Variants in PLEKHH2 observed in about 807,000 individuals in gnomAD.
PLEKHH2 encodes the protein pleckstrin homology, MyTH4 and FERM domain containing H2.
Under a neutral mutation model 187.9 loss-of-function variants are expected in PLEKHH2, and 129 were observed. The ratio of observed to expected loss-of-function variants is 0.69; its 90% CI spans 0.59 to 0.79. The LOEUF (loss-of-function observed/expected upper bound fraction) is 0.79, where lower values mean the gene tolerates loss of function less well. PLEKHH2 is among the 30% of genes least tolerant of loss of function. The pLI, the probability that PLEKHH2 is intolerant of heterozygous loss-of-function variation, is 0.00. For missense variants in PLEKHH2, 2,076 were observed against 1,751.2 expected (o/e 1.19, Z -3.31); for synonymous variants, 686 against 605.6 (o/e 1.13, Z -1.95).
chr2:43,757,862 A>T (rs1433936067), intron 26 of PLEKHH2, among the ~76,000 whole-genome samples: 1 of 152,134 alleles, frequency 6.6e-6, no homozygotes, highest in Admixed American at 6.5e-5. Flanking sequence ...AAGAGAAAAA[A>T]ATTGGCCAAT....
At chr2:43,761,201 A>C (rs998015440) in intron 27 of PLEKHH2, among the ~76,000 whole-genome samples, 2 of 152,120 alleles carry the variant, frequency 1.3e-5, no homozygotes, top group African/African-American at 4.8e-5. Flanking sequence ...TTCCAGTTTT[A>C]TATCTATAGT....
chr2:43,703,916 C>CTTTTT (rs10530805), intron 8 of PLEKHH2, 65 bp from the exon 9 acceptor site: 21 of 387,568 alleles, frequency 5.4e-5, no homozygotes, highest in East Asian at 1.5e-4. Flanking sequence ...TGAAAGTAGT[C>CTTTTT]TTTTTTTTTT....
Position 43,644,720 on chromosome 2 carries a change from G to A in PLEKHH2, c.47G>A (p.Arg16Gln), listed in dbSNP as rs765634215. ...GAGGGACCAGTAGATTGGAAGGAAC[G>A]ATGTGTAGCTCTGGAGTCCCAACTC... ...EPEGPVDWKERCVALESQLMK... is the reference protein window; with the variant it reads ...EPEGPVDWKEQCVALESQLMK... The change falls in exon 2 of 30, where the codon CGA becomes CAA. Residue 16 changes from arginine to glutamine, a missense_variant. By Grantham distance (43) the Arg-to-Gln change is conservative. Coordinates refer to ENST00000282406, the MANE Select transcript of PLEKHH2 (RefSeq NM_172069.4). 1.2e-5 allele frequency: 20 copies of A among 1,608,536 alleles called. No individual in the cohort carries two copies. In the East Asian group the frequency reaches 3.6e-4, roughly 29 times the overall value.
At chr2:43,666,659 A>C (rs968667826) in intron 2 of PLEKHH2, among the ~76,000 whole-genome samples, 2 of 152,208 alleles carry the variant, frequency 1.3e-5, no homozygotes, top group Non-Finnish European at 2.9e-5. Context: ...ATAGGTATGT[A>C]GTTGTATTTC....
intron 15 of PLEKHH2, among the ~76,000 whole-genome samples, chr2:43,717,715 C>T (rs1670282023): frequency 6.6e-6 from 1 of 152,218 alleles, no homozygotes; most frequent in Non-Finnish European, 1.5e-5. Context: ...CAAGTCCTGG[C>T]TCTGCCACTT....
At chr2:43,685,132 G>A (rs769048309) in intron 3 of PLEKHH2, among the ~76,000 whole-genome samples, 4 of 152,156 alleles carry the variant, frequency 2.6e-5, no homozygotes, top group Admixed American at 1.3e-4. Flanking sequence ...TGGCCTATCT[G>A]ATGTTTATGT....
At chr2:43,686,964 C>G (rs1156711471) in intron 3 of PLEKHH2, among the ~76,000 whole-genome samples, 2 of 109,646 alleles carry the variant, frequency 1.8e-5, no homozygotes, top group African/African-American at 8.4e-5. Context: ...CCATGTCCCC[C>G]CTTCTCTCTA....
At chr2:43,685,594 A>AT (rs1286647150) in intron 3 of PLEKHH2, among the ~76,000 whole-genome samples, 1 of 141,206 alleles carries the variant, frequency 7.1e-6, no homozygotes, top group Non-Finnish European at 1.5e-5. Flanking sequence ...CACCCAGTTA[A>AT]TGTTTTTTAA....
At chr2:43,679,492 C>G in intron 3 of PLEKHH2, 1 of 317,652 alleles carries the variant, frequency 3.1e-6, no homozygotes, top group Non-Finnish European at 5.8e-6. Context: ...ATGATTTTTT[C>G]CCTTTTTTTT....
At chr2:43,702,436 A>C (rs1669419338) in intron 8 of PLEKHH2, among the ~76,000 whole-genome samples, 1 of 151,590 alleles carries the variant, frequency 6.6e-6, no homozygotes, top group Non-Finnish European at 1.5e-5. Context: ...GGCAGCAAGA[A>C]ATTGAAATTT....
At chr2:43,740,726 G>A (rs761366736) in intron 20 of PLEKHH2, 91 of 693,550 alleles carry the variant, frequency 1.3e-4, no homozygotes, top group Admixed American at 4.3e-4. Flanking sequence ...TTCCTCAGTT[G>A]TAGATAACCA....
At position 43,700,089 on chromosome 2, in the gene PLEKHH2, G is replaced by C. The variant is rs1669282731; in HGVS notation, c.1131G>C (p.Lys377Asn). 1.2e-6 allele frequency: 2 copies of C among 1,614,014 alleles called. No homozygotes were observed. Residue 377 changes from lysine to asparagine, a missense_variant, in exon 8 of 30, where the codon AAG becomes AAC. Physicochemically the swap from Lys to Asn is moderately conservative, Grantham distance 94. Transcript: ENST00000282406. ...AGGGAAATTCTGAATTAAGTAAAAA[G>C]GAACAAGATAGTTCCTCGGATGAAC... Reference protein sequence around the residue: ...LGKGNSELSKKEQDSSSDELN... With the variant: ...LGKGNSELSKNEQDSSSDELN...
At chr2:43,675,613 T>C (rs1307430590) in intron 2 of PLEKHH2, 1 of 1,613,826 alleles carries the variant, frequency 6.2e-7, no homozygotes, top group African/African-American at 1.3e-5. Context: ...TCTTCCTTCA[T>C]AATCCTCTGC....
intron 27 of PLEKHH2, among the ~76,000 whole-genome samples, chr2:43,762,036 G>A (rs1328771755): frequency 6.6e-6 from 1 of 152,116 alleles, no homozygotes. Context: ...TAAAGATGAG[G>A]AAATTGAGCC....
intron 3 of PLEKHH2, among the ~76,000 whole-genome samples, chr2:43,683,187 C>T (rs1304874147): frequency 7.7e-6 from 1 of 130,634 alleles, no homozygotes; most frequent in Non-Finnish European, 1.6e-5. Context: ...CTCTTGTTGC[C>T]CAGGCTGGAG....
chr2:43,762,402 C>T lies in PLEKHH2; in HGVS notation c.4158+12C>T, dbSNP rs17031412. The T allele has an allele frequency of 2.6e-3, 4,050 of 1,583,824 alleles. 96 individuals carry two copies. The African/African-American group carries it at 0.048, about 19-fold the overall frequency. On this transcript the variant is annotated intron_variant, in intron 28 of 29. Transcript: ENST00000282406. ...AATACAACTCCATGGTAAGTTTAAACGCTCAAGTTTTGCATTAAGTCAACT... is the reference window on the plus strand; with the variant it reads ...AATACAACTCCATGGTAAGTTTAAATGCTCAAGTTTTGCATTAAGTCAACT...
intron 4 of PLEKHH2, among the ~76,000 whole-genome samples, chr2:43,694,194 C>G (rs1668976624): frequency 6.6e-6 from 1 of 152,158 alleles, no homozygotes; most frequent in Non-Finnish European, 1.5e-5. Context: ...AGTGTATGAT[C>G]TTTCAGAGAA....
rs1379914368 is a variant in PLEKHH2, at chr2:43,700,230, T to C, written c.1272T>C (p.Ser424=). The change falls in exon 8 of 30, where the codon TCT becomes TCC. Residue 424 remains serine (S), a synonymous_variant. Transcript: ENST00000282406. ...TGCCAAAGCATCCTAACTCACTCTCTGGAAAAGGAACACAATTAGTGCCTT... is the reference window on the plus strand; with the variant it reads ...TGCCAAAGCATCCTAACTCACTCTCCGGAAAAGGAACACAATTAGTGCCTT... The part of the protein sequence containing the change: ...ALMPKHPNSL[S]GKGTQLVPSS... The C allele has an allele frequency of 1.2e-6, 2 of 1,614,170 alleles. No homozygotes were observed. The highest frequency in any genetic ancestry group is 2.2e-5 in the East Asian group (1 of 44,884).
chr2:43,721,343 A>G (rs1670468126), intron 16 of PLEKHH2, among the ~76,000 whole-genome samples: 1 of 152,200 alleles, frequency 6.6e-6, no homozygotes, highest in East Asian at 1.9e-4. Flanking sequence ...AGCTATAAAA[A>G]TTGAACCAAC....
Sources: gnomAD v4.1 joint callset for allele counts (sites outside exome capture counted in the v4.1 genomes callset) on GRCh38, gnomAD v4.1.1 for gene constraint, MANE v1.5 for transcripts, NCBI Gene and HGNC (gene_info 2026-07-23, HGNC 2026-07-21) for gene names.